SHTN1: variants seen among roughly 807,000 people sequenced by gnomAD.
The protein encoded by SHTN1 is shootin-1.
A neutral mutation model predicts 83.1 loss-of-function variants in SHTN1; 42 were observed. The observed-to-expected ratio is 0.51, with a 90% CI of 0.39 to 0.65. The LOEUF is 0.65. SHTN1 is among the 30% of genes least tolerant of loss of function. SHTN1 has a pLI of 0.00. For synonymous variants in SHTN1, 224 were observed against 247.7 expected, an observed-to-expected ratio of 0.90 and a Z score of 0.90; for missense variants, 622 against 737.8, an observed-to-expected ratio of 0.84 and a Z score of 1.82.
chr10:117,047,344 C>T (rs1337354409), intron 2 of SHTN1, among the ~76,000 whole-genome samples: 1 of 151,896 alleles, frequency 6.6e-6, no homozygotes, highest in Admixed American at 6.6e-5. Flanking sequence ...GGATTACAGG[C>T]GTGAGCCACC....
intron 1 of SHTN1, among the ~76,000 whole-genome samples, chr10:117,002,561 T>C (rs1851860452): frequency 6.6e-6 from 1 of 152,204 alleles, no homozygotes; most frequent in South Asian, 2.1e-4. Flanking sequence ...AAATAAACCA[T>C]GCAACCATCA....
intron 2 of SHTN1, among the ~76,000 whole-genome samples, chr10:117,018,714 G>A (rs2133562311): frequency 6.6e-6 from 1 of 151,998 alleles, no homozygotes; most frequent in East Asian, 1.9e-4. Context: ...TGGGATTACA[G>A]ATGCTCGCCA....
intron 1 of SHTN1, among the ~76,000 whole-genome samples, chr10:116,995,420 C>T (rs2133524657): frequency 6.6e-6 from 1 of 152,226 alleles, no homozygotes; most frequent in Non-Finnish European, 1.5e-5. Flanking sequence ...ATTTTTAGGA[C>T]TTTATTAGAA....
chr10:117,111,288 ATTTC>A lies in SHTN1; in HGVS notation c.-189+15015_-189+15018del, dbSNP rs1004599733. ...TTTGAGATGAGGCCCAAGAATGTGC[ATTTC>A]TTTCTTTCTTTCTTTCTTTGAGATG... On this transcript the variant is annotated intron_variant, in intron 1 of 17. Coordinates refer to the SHTN1 transcript ENST00000392901. 4.8e-3 allele frequency among the ~76,000 whole-genome samples: 730 copies of A among 151,470 alleles called. 8 individuals carry two copies. The highest frequency in any genetic ancestry group is 0.016 in the African/African-American group (679 of 41,356).
chr10:116,978,259 C>G (rs1182949335), intron 2 of SHTN1, among the ~76,000 whole-genome samples: 1 of 152,082 alleles, frequency 6.6e-6, no homozygotes, highest in Non-Finnish European at 1.5e-5. Context: ...TAAGTGATCC[C>G]AAATATCCCA....
At chr10:117,006,745 C>T (rs948896460), upstream of SHTN1, among the ~76,000 whole-genome samples, 4 of 152,000 alleles carry the variant, frequency 2.6e-5, no homozygotes, top group African/African-American at 9.7e-5. Context: ...AGTTTGGGTA[C>T]AGCAACAGCA....
rs555876344 is a variant in SHTN1 at position 117,012,163 on chromosome 10, G to GA, written c.-122-32856dup. Among the ~76,000 whole-genome samples the GA allele has an allele frequency of 3.0e-3, 446 of 148,890 alleles. 2 individuals are homozygous for GA. The highest frequency in any genetic ancestry group is 0.01 in the Middle Eastern group (3 of 288). On this transcript the variant is annotated intron_variant, in intron 2 of 17. Transcript: ENST00000392901. ...CAAAAAAAAAAAAAAAGAGAAAAAGGAAAAAAAACCCTCAATATTGCTAAA... is the reference window on the plus strand; with the variant it reads ...CAAAAAAAAAAAAAAAGAGAAAAAGGAAAAAAAAACCCTCAATATTGCTAAA...
chr10:117,026,439 T>C (rs1168664184), intron 2 of SHTN1, among the ~76,000 whole-genome samples: 1 of 109,124 alleles, frequency 9.2e-6, no homozygotes, highest in African/African-American at 3.3e-5. Flanking sequence ...TTTTTTTTTT[T>C]GAGACAGTGT....
intron 9 of SHTN1, among the ~76,000 whole-genome samples, chr10:116,936,426 A>C (rs1215762860): frequency 2.6e-5 from 4 of 152,206 alleles, no homozygotes; most frequent in African/African-American, 9.7e-5. Context: ...TTCGTTATTT[A>C]CTCAGTAGTC....
At chr10:117,116,988 AT>A (rs1853857947) in intron 1 of SHTN1, among the ~76,000 whole-genome samples, 1 of 152,174 alleles carries the variant, frequency 6.6e-6, no homozygotes, top group African/African-American at 2.4e-5. Flanking sequence ...TTCCTCTAAG[AT>A]GTGGAACAAG....
chr10:116,994,356 A>G (rs1470226426), intron 1 of SHTN1, among the ~76,000 whole-genome samples: 3 of 152,188 alleles, frequency 2.0e-5, no homozygotes, highest in Non-Finnish European at 1.5e-5. Context: ...ACAAAAGTTG[A>G]ATTAATTTAT....
Position 116,918,519 on chromosome 10 carries a change from T to G in SHTN1, c.1195+2915A>C, listed in dbSNP as rs1848448369. 2.6e-5 allele frequency among the ~76,000 whole-genome samples: 4 copies of G among 152,288 alleles called. No homozygotes were observed. In the South Asian group the frequency reaches 8.3e-4, roughly 32 times the overall value. On this transcript the variant is annotated intron_variant, in intron 12 of 16. Transcript: ENST00000355371. The stretch of plus-strand genomic sequence containing the variant: ...ATATACCATATTTCTAAAGAATACA[T>G]TATAGTCGAATTAAGTTCAAATCTG...
At chr10:116,934,555 G>T (rs921411251) in intron 9 of SHTN1, among the ~76,000 whole-genome samples, 1 of 152,158 alleles carries the variant, frequency 6.6e-6, no homozygotes, top group Admixed American at 6.5e-5. Flanking sequence ...GTACCATGCT[G>T]CTTTGGTTAC....
intron 11 of SHTN1, among the ~76,000 whole-genome samples, chr10:116,924,832 G>A (rs372801489): frequency 2.0e-4 from 28 of 137,674 alleles, no homozygotes; most frequent in Middle Eastern, 3.9e-3. Context: ...ATCTTGGCTC[G>A]CTGCAAGCTC....
At chr10:117,104,497 G>A (rs2133633059) in intron 1 of SHTN1, among the ~76,000 whole-genome samples, 1 of 152,314 alleles carries the variant, frequency 6.6e-6, no homozygotes, top group East Asian at 1.9e-4. Context: ...TCGGCCAGGC[G>A]CGGTGGCTCA....
At chr10:116,937,412 C>T (rs954759160) in intron 9 of SHTN1, among the ~76,000 whole-genome samples, 2 of 152,110 alleles carry the variant, frequency 1.3e-5, no homozygotes, top group Non-Finnish European at 2.9e-5. Flanking sequence ...ATTTCTCCTT[C>T]GCTTATGAAG....
At chr10:116,993,108 C>A (rs886901299) in intron 1 of SHTN1, among the ~76,000 whole-genome samples, 5 of 150,820 alleles carry the variant, frequency 3.3e-5, no homozygotes, top group Non-Finnish European at 7.4e-5. Flanking sequence ...CTCCGCCTCC[C>A]GGGTTCAAGC....
chr10:117,003,033 A>G (rs1467929098), intron 1 of SHTN1, among the ~76,000 whole-genome samples: 2 of 152,200 alleles, frequency 1.3e-5, no homozygotes, highest in East Asian at 1.9e-4. Flanking sequence ...GAAATCAAAT[A>G]TAAGCAATTT....
Position 117,033,601 on chromosome 10 carries a change from T to G in SHTN1, c.-123+14844A>C, listed in dbSNP as rs183019814. ...TTCACTGCTGAATTCTACAAAACAC[T>G]TAAAGAAGAACTAATATCAATCCTA... On this transcript the variant is annotated intron_variant, in intron 2 of 17. Transcript: ENST00000392901. Among the ~76,000 whole-genome samples the G allele has an allele frequency of 3.4e-3, 521 of 152,102 alleles. 1 individual carries two copies. Among genetic ancestry groups the G allele is most frequent in the Non-Finnish European group, 5.0e-3 (341 of 67,982 alleles).
Sources: allele counts gnomAD v4.1 joint callset (sites outside exome capture counted in the v4.1 genomes callset), GRCh38; gene constraint gnomAD v4.1.1; transcripts MANE v1.5; gene names NCBI Gene and HGNC (gene_info 2026-07-23, HGNC 2026-07-21).